Variants in PDE4B observed in about 807,000 individuals in gnomAD.
PDE4B encodes the protein phosphodiesterase 4B, also known as 3',5'-cyclic-AMP phosphodiesterase 4B.
In PDE4B, 20 loss-of-function variants were observed where a neutral mutation model predicts 82.2. That is an observed-to-expected ratio of 0.24 (90% CI 0.17 to 0.35). The LOEUF is 0.35. PDE4B is among the 10% of genes least tolerant of loss of function. PDE4B has a pLI of 1.00. For missense variants in PDE4B, 655 were observed against 907.2 expected, an observed-to-expected ratio of 0.72 and a Z score of 3.57; for synonymous variants, 320 against 318.9, an observed-to-expected ratio of 1.00 and a Z score of -0.04.
intron 1 of PDE4B, among the ~76,000 whole-genome samples, chr1:65,797,858 G>C (rs1232666996): frequency 5.3e-5 from 8 of 152,178 alleles, no homozygotes; most frequent in Admixed American, 4.6e-4. Context: ...CTGTTGAATA[G>C]AGAGTTGGAA....
intron 3 of PDE4B, among the ~76,000 whole-genome samples, chr1:65,945,871 T>A (rs1252242070): frequency 1.3e-5 from 2 of 152,000 alleles, no homozygotes; most frequent in African/African-American, 4.8e-5. Context: ...TTCATCCATA[T>A]GCCTCTTACC....
At chr1:65,806,497 G>A (rs572461055) in intron 1 of PDE4B, among the ~76,000 whole-genome samples, 1 of 152,156 alleles carries the variant, frequency 6.6e-6, no homozygotes, top group Non-Finnish European at 1.5e-5. Context: ...AAATAGCTTA[G>A]ATGAGTTATT....
intron 3 of PDE4B, among the ~76,000 whole-genome samples, chr1:66,201,323 T>G (rs1224510930): frequency 1.3e-5 from 2 of 152,136 alleles, no homozygotes; most frequent in Non-Finnish European, 2.9e-5. Context: ...TGGTTGTGTC[T>G]CTGCCAGTCT....
intron 7 of PDE4B, among the ~76,000 whole-genome samples, chr1:66,324,718 C>A (rs770172968): frequency 1.3e-5 from 2 of 152,100 alleles, no homozygotes; most frequent in Non-Finnish European, 2.9e-5. Context: ...TGCAAAGTTC[C>A]ATATCTATAA....
intron 1 of PDE4B, among the ~76,000 whole-genome samples, chr1:65,824,159 T>G (rs1645987896): frequency 6.6e-6 from 1 of 152,200 alleles, no homozygotes; most frequent in Non-Finnish European, 1.5e-5. Flanking sequence ...CTTTTTTTAT[T>G]TTTATTTTTT....
intron 1 of PDE4B, among the ~76,000 whole-genome samples, chr1:65,825,739 T>TATCTATCTATCTA (rs1382842079): frequency 1.3e-5 from 2 of 151,970 alleles, no homozygotes; most frequent in African/African-American, 4.8e-5. Context: ...TCTATCTATC[T>TATCTATCTATCTA]ATCTATCTAT....
At chr1:66,015,763 T>TG (rs1364743120) in intron 3 of PDE4B, among the ~76,000 whole-genome samples, 3 of 151,798 alleles carry the variant, frequency 2.0e-5, no homozygotes, top group Admixed American at 6.6e-5. Flanking sequence ...GAGGAAAAGG[T>TG]GGGGGGTGTT....
chr1:66,108,420 G>A (rs1288027075), intron 3 of PDE4B, among the ~76,000 whole-genome samples: 1 of 151,818 alleles, frequency 6.6e-6, no homozygotes, highest in Non-Finnish European at 1.5e-5. Flanking sequence ...AAAAAGCACA[G>A]GAAACAAATG....
rs549268448 is a variant in PDE4B at position 65,800,728 on chromosome 1, T to A, written c.-71+7480T>A. Among the ~76,000 whole-genome samples, 33 of 152,326 alleles carry A rather than the reference T, an allele frequency of 2.2e-4. 1 individual carries two copies. The South Asian group carries it at 6.6e-3, about 31-fold the overall frequency. On this transcript the variant is annotated intron_variant, in intron 1 of 16. Coordinates refer to ENST00000341517, the MANE Select transcript of PDE4B (RefSeq NM_002600.4). ...GATCTCCAGGAAGTTAATATTTGAA[T>A]TTGAAAGTAGTATAATATCTTGATA...
chr1:66,024,294 G>A (rs1653312832), intron 3 of PDE4B, among the ~76,000 whole-genome samples: 1 of 152,046 alleles, frequency 6.6e-6, no homozygotes. Context: ...TATTAATCTA[G>A]CATCACTATA....
intron 3 of PDE4B, among the ~76,000 whole-genome samples, chr1:66,009,612 G>A (rs1347540744): frequency 6.6e-6 from 1 of 152,026 alleles, no homozygotes; most frequent in Non-Finnish European, 1.5e-5. Context: ...GCTGCACTTG[G>A]TTCTCAGGCT....
In PDE4B at chr1:65,956,768, G is replaced by A. The variant is rs1289948026; in HGVS notation, c.281+37933G>A. Among the ~76,000 whole-genome samples the A allele has an allele frequency of 5.9e-5, 9 of 152,240 alleles. No homozygotes were observed. In the East Asian group the frequency reaches 1.5e-3, roughly 26 times the overall value. On this transcript the variant is annotated intron_variant, in intron 3 of 16. Coordinates refer to ENST00000341517, the MANE Select transcript of PDE4B (RefSeq NM_002600.4). ...GTCTTGCACATATGTACCCGGAGAA[G>A]AGACAGTCATTGGTGTGATTGCTGT...
chr1:66,243,569 G>A lies in PDE4B; in HGVS notation c.282-3891G>A, dbSNP rs185547606. Among the ~76,000 whole-genome samples the A allele has an allele frequency of 5.9e-5, 9 of 152,266 alleles. No homozygotes were observed. The East Asian group carries it at 1.7e-3, about 29-fold the overall frequency. ...AGGAGCATGTGTCAAAATCAAACTGGACTGCAGTGTCAGAGAGCGCATACT... is the reference window on the plus strand; with the variant it reads ...AGGAGCATGTGTCAAAATCAAACTGAACTGCAGTGTCAGAGAGCGCATACT... On this transcript the variant is annotated intron_variant, in intron 3 of 16. Transcript: ENST00000341517.
At chr1:65,956,945 C>A (rs911812905) in intron 3 of PDE4B, among the ~76,000 whole-genome samples, 1 of 152,080 alleles carries the variant, frequency 6.6e-6, no homozygotes, top group Middle Eastern at 3.4e-3. Flanking sequence ...TAATTTTTGC[C>A]AATCTAGTAG....
At chr1:66,226,472 G>T (rs1483006438) in intron 3 of PDE4B, among the ~76,000 whole-genome samples, 3 of 152,182 alleles carry the variant, frequency 2.0e-5, no homozygotes, top group Non-Finnish European at 2.9e-5. Context: ...ACTATAGATT[G>T]ACTAGACCAG....
At chr1:65,873,620 A>G (rs1646600460) in intron 1 of PDE4B, among the ~76,000 whole-genome samples, 1 of 152,182 alleles carries the variant, frequency 6.6e-6, no homozygotes, top group African/African-American at 2.4e-5. Context: ...TAAAAAAGAC[A>G]TTTAAAAATG....
intron 3 of PDE4B, among the ~76,000 whole-genome samples, chr1:66,126,171 C>T (rs1456955833): frequency 3.3e-5 from 5 of 152,148 alleles, no homozygotes; most frequent in Admixed American, 3.3e-4. Flanking sequence ...TCTCAAGGAG[C>T]TTATAGTCTT....
chr1:66,331,719 T>C (rs944635728), intron 7 of PDE4B: 1 of 984,834 alleles, frequency 1.0e-6, no homozygotes, highest in Non-Finnish European at 1.2e-6. Flanking sequence ...CCTGTGATCC[T>C]GGCACTTGCA....
intron 1 of PDE4B, among the ~76,000 whole-genome samples, chr1:65,803,068 T>C (rs1645715164): frequency 6.6e-6 from 1 of 152,246 alleles, no homozygotes; most frequent in Non-Finnish European, 1.5e-5. Context: ...ATATATTTTT[T>C]AAAAGAATAA....
Sources: gnomAD v4.1 joint callset for allele counts (sites outside exome capture counted in the v4.1 genomes callset) on GRCh38, gnomAD v4.1.1 for gene constraint, MANE v1.5 for transcripts, NCBI Gene and HGNC (gene_info 2026-07-23, HGNC 2026-07-21) for gene names.